Variants in EZR observed in about 807,000 individuals in gnomAD.
EZR encodes cytovillin 2.
A neutral mutation model predicts 74.8 loss-of-function variants in EZR; 40 were observed. The ratio of observed to expected loss-of-function variants is 0.53; its 90% CI spans 0.42 to 0.70. The LOEUF (loss-of-function observed/expected upper bound fraction) is 0.70. Among genes scored for constraint, EZR ranks in the 30% least tolerant of loss-of-function variants. EZR has a pLI of 0.00. For missense variants in EZR, 678 were observed against 755.8 expected (o/e 0.90, Z 1.21); for synonymous variants, 341 against 283.3 (o/e 1.20, Z -2.05).
chr6:158,794,171 C>T (rs540223714), intron 2 of EZR, among the ~76,000 whole-genome samples: 7 of 152,302 alleles, frequency 4.6e-5, no homozygotes, highest in African/African-American at 1.7e-4. Context: ...GTCCCAGCTT[C>T]TTGGGAGGCT....
intron 7 of EZR, among the ~76,000 whole-genome samples, chr6:158,781,115 C>T (rs1309362288): frequency 6.6e-6 from 1 of 152,126 alleles, no homozygotes; most frequent in Admixed American, 6.6e-5. Context: ...TCTAATTCTC[C>T]TAGTTCTACC....
At chr6:158,787,343 T>A in intron 3 of EZR, 140 bp from the exon 4 acceptor site, 4 of 574,698 alleles carry the variant, frequency 7.0e-6, no homozygotes, top group African/African-American at 5.6e-5. Flanking sequence ...CTGGGCAACA[T>A]CTTTTTTTGC....
Position 158,767,318 on chromosome 6 carries a change from A to C in EZR, c.1539T>G (p.Asn513Lys). ...LSSEGIRDDR[N>K]EEKRITEAEK... Reference sequence around the variant, plus strand: ...CTGCCTCAGTGATGCGCTTCTCCTCATTGCGGTCATCCCGGATGCCCTCAC... The same window carrying C: ...CTGCCTCAGTGATGCGCTTCTCCTCCTTGCGGTCATCCCGGATGCCCTCAC... The change falls in exon 13 of 14, where the codon AAT becomes AAG. Residue 513 changes from asparagine (N) to lysine (K), a missense_variant. By Grantham distance (94) the Asn-to-Lys change is moderately conservative. Around this residue, in one of 3 missense-constraint regions of EZR, gnomAD observed 342 missense variants for 341.2 expected, o/e 1.00. Transcript: ENST00000367075. The C allele has an allele frequency of 6.2e-7, 1 of 1,613,634 alleles. No individual in the cohort carries two copies. Among genetic ancestry groups the C allele is most frequent in the African/African-American group, 1.3e-5 (1 of 74,848 alleles).
At chr6:158,798,747 T>C (rs1777129168) in intron 2 of EZR, among the ~76,000 whole-genome samples, 1 of 150,276 alleles carries the variant, frequency 6.7e-6, no homozygotes, top group South Asian at 2.2e-4. Flanking sequence ...TTCTCCCACC[T>C]TAGCCTCCTT....
At chr6:158,767,208 T>A in intron 13 of EZR, 53 bp downstream of exon 13, 1 of 1,586,318 alleles carries the variant, frequency 6.3e-7, no homozygotes, top group Non-Finnish European at 8.6e-7. Flanking sequence ...CCCAAGCCTG[T>A]CTGCTCCAAA....
chr6:158,805,955 AATTTTC>A (rs2128575587), intron 2 of EZR, among the ~76,000 whole-genome samples: 1 of 152,326 alleles, frequency 6.6e-6, no homozygotes, highest in East Asian at 1.9e-4. Flanking sequence ...TGTTCATTTC[AATTTTC>A]AAGTCTGAGA....
chr6:158,815,623 A>G (rs1777537295), intron 2 of EZR, among the ~76,000 whole-genome samples: 1 of 152,050 alleles, frequency 6.6e-6, no homozygotes, highest in Non-Finnish European at 1.5e-5. Context: ...CAGCCACCAC[A>G]CCCAGATAAT....
At chr6:158,776,033 C>T (rs1055216386) in intron 8 of EZR, among the ~76,000 whole-genome samples, 11 of 152,334 alleles carry the variant, frequency 7.2e-5, no homozygotes, top group Non-Finnish European at 1.6e-4. Context: ...TCCAGGACAG[C>T]TCTGAAAGGC....
At chr6:158,799,495 G>T (rs1777146542) in intron 2 of EZR, among the ~76,000 whole-genome samples, 1 of 152,222 alleles carries the variant, frequency 6.6e-6, no homozygotes, top group African/African-American at 2.4e-5. Context: ...TGTTGTACTA[G>T]CAGACAGGTT....
At chr6:158,810,369 C>T (rs554739679) in intron 2 of EZR, among the ~76,000 whole-genome samples, 2 of 152,098 alleles carry the variant, frequency 1.3e-5, no homozygotes, top group Admixed American at 1.3e-4. Flanking sequence ...ATCTTACCAG[C>T]CGGGAGGCCC....
At chr6:158,772,798 CA>C (rs1360392415) in intron 8 of EZR, among the ~76,000 whole-genome samples, 2 of 152,048 alleles carry the variant, frequency 1.3e-5, no homozygotes, top group African/African-American at 2.4e-5. Flanking sequence ...GTGGCTAAAA[CA>C]AAAAAACAGT....
chr6:158,819,066 C>CGGCGCCCA (rs1288446827), intron 1 of EZR, among the ~76,000 whole-genome samples: 1 of 152,106 alleles, frequency 6.6e-6, no homozygotes, highest in Admixed American at 6.5e-5. Flanking sequence ...CGCCGAGGGA[C>CGGCGCCCA]GGCGCCCAGG....
intron 2 of EZR, among the ~76,000 whole-genome samples, chr6:158,794,106 G>A (rs759632000): frequency 1.3e-5 from 2 of 152,160 alleles, no homozygotes; most frequent in Non-Finnish European, 1.5e-5. Context: ...GTGAAGCCCC[G>A]TCTCTACTAA....
intron 2 of EZR, among the ~76,000 whole-genome samples, chr6:158,816,231 C>G (rs928257329): frequency 2.0e-5 from 3 of 152,238 alleles, no homozygotes; most frequent in Non-Finnish European, 2.9e-5. Context: ...AGATAAAGTT[C>G]TGGAGATGGA....
chr6:158,767,863 T>G (rs1012735205), intron 12 of EZR, among the ~76,000 whole-genome samples: 1 of 152,060 alleles, frequency 6.6e-6, no homozygotes, highest in Non-Finnish European at 1.5e-5. Context: ...TATCAAGTGC[T>G]CTCCTGCTCG....
At chr6:158,818,752 A>C (rs899795462) in intron 1 of EZR, among the ~76,000 whole-genome samples, 1 of 145,936 alleles carries the variant, frequency 6.9e-6, no homozygotes, top group Non-Finnish European at 1.5e-5. Flanking sequence ...GGCGAGGGGC[A>C]GGAGGAACAC....
chr6:158,785,135 C>T (rs916471911), intron 5 of EZR, among the ~76,000 whole-genome samples, 174 bp downstream of exon 5: 4 of 152,324 alleles, frequency 2.6e-5, no homozygotes, highest in East Asian at 3.9e-4. Flanking sequence ...AATGGCAGCT[C>T]GCCTTCCCTG....
intron 4 of EZR, among the ~76,000 whole-genome samples, chr6:158,786,097 G>C (rs1011845053): frequency 6.6e-6 from 1 of 151,636 alleles, no homozygotes; most frequent in Non-Finnish European, 1.5e-5. Context: ...AAACAGGCCA[G>C]GCATGGTGGC....
chr6:158,766,877 T>A lies in EZR; in HGVS notation c.*37A>T. 6.3e-7 allele frequency: 1 copy of A among 1,593,234 alleles called. No homozygotes were observed. The highest frequency in any genetic ancestry group is 8.6e-7 in the Non-Finnish European group (1 of 1,165,370). On this transcript the variant is annotated 3_prime_UTR_variant, in exon 14 of 14. Coordinates refer to ENST00000367075, the MANE Select transcript of EZR (RefSeq NM_001111077.2). ...GCGTGGCGGGGCTGGCAGCGCCCGCTATGAGCACCCCTCTGCCCTTGGTCC... is the reference window on the plus strand; with the variant it reads ...GCGTGGCGGGGCTGGCAGCGCCCGCAATGAGCACCCCTCTGCCCTTGGTCC...
Sources: allele counts gnomAD v4.1 joint callset (sites outside exome capture counted in the v4.1 genomes callset), GRCh38; gene constraint gnomAD v4.1.1; regional missense constraint gnomAD v4.1.1; transcripts MANE v1.5; gene names NCBI Gene and HGNC (gene_info 2026-07-23, HGNC 2026-07-21).